SVIL: variants seen among roughly 807,000 people sequenced by gnomAD.
The protein encoded by SVIL is archvillin.
Under a neutral mutation model 240.4 loss-of-function variants are expected in SVIL, and 101 were observed. The ratio of observed to expected loss-of-function variants is 0.42; its 90% CI spans 0.36 to 0.50. The LOEUF (loss-of-function observed/expected upper bound fraction) is 0.50. Among genes scored for constraint, SVIL ranks in the 20% least tolerant of loss-of-function variants. The pLI, the probability that SVIL is intolerant of heterozygous loss-of-function variation, is 0.01. For synonymous variants in SVIL, 999 were observed against 1,100.0 expected (o/e 0.91, Z 1.82); for missense variants, 2,512 against 2,818.7 (o/e 0.89, Z 2.46).
chr10:29,653,077 G>A (rs1374946089), intron 3 of SVIL, among the ~76,000 whole-genome samples: 7 of 148,752 alleles, frequency 4.7e-5, no homozygotes, highest in African/African-American at 1.5e-4. Flanking sequence ...ACAATCCTCT[G>A]CTTTGGCCTC....
intron 29 of SVIL, among the ~76,000 whole-genome samples, chr10:29,476,906 G>A (rs1459077131): frequency 2.0e-5 from 3 of 151,888 alleles, no homozygotes; most frequent in African/African-American, 4.8e-5. Flanking sequence ...CCTGTTGCCC[G>A]GGCTGGAGTG....
intron 2 of SVIL, among the ~76,000 whole-genome samples, chr10:29,679,354 A>C (rs1960447623): frequency 6.6e-6 from 1 of 152,224 alleles, no homozygotes; most frequent in Non-Finnish European, 1.5e-5. Context: ...GAGAAGGTGC[A>C]GGTAATGAAG....
At chr10:29,536,534 A>G (rs1951752970) in intron 6 of SVIL, among the ~76,000 whole-genome samples, 2 of 152,236 alleles carry the variant, frequency 1.3e-5, no homozygotes, top group African/African-American at 4.8e-5. Flanking sequence ...CATGTGGCTC[A>G]CTACTAAAAT....
chr10:29,589,640 C>A (rs924120587), intron 1 of SVIL, among the ~76,000 whole-genome samples: 3 of 152,144 alleles, frequency 2.0e-5, no homozygotes, highest in East Asian at 1.9e-4. Flanking sequence ...GAAAAGAAAA[C>A]GAGGTGAGAC....
At chr10:29,516,800 T>C (rs781392697) in intron 16 of SVIL, among the ~76,000 whole-genome samples, 1 of 152,162 alleles carries the variant, frequency 6.6e-6, no homozygotes, top group Non-Finnish European at 1.5e-5. Context: ...TCCTCTTCCA[T>C]AGCCCACACT....
intron 1 of SVIL, among the ~76,000 whole-genome samples, chr10:29,589,395 C>A (rs1032354028): frequency 4.6e-5 from 7 of 152,318 alleles, no homozygotes; most frequent in Non-Finnish European, 8.8e-5. Context: ...CTCTGGGCCC[C>A]CTGTAAACCC....
intron 1 of SVIL, among the ~76,000 whole-genome samples, chr10:29,576,941 C>A (rs1256312799): frequency 6.6e-6 from 1 of 152,096 alleles, no homozygotes; most frequent in African/African-American, 2.4e-5. Context: ...AATGCAGTGG[C>A]GCGAGCTAGG....
In SVIL at chr10:29,465,730, C is replaced by G. The variant is rs138805266; in HGVS notation, c.5998G>C (p.Ala2000Pro). ...MLQDPGSFNF[A>P]PRLFILSSSS... ...CTGCTGAGGATGAACAGGCGGGGCGCGAAGTTAAAACTTCCAGGATCTTTG... is the reference window on the plus strand; with the variant it reads ...CTGCTGAGGATGAACAGGCGGGGCGGGAAGTTAAAACTTCCAGGATCTTTG... Residue 2000 changes from alanine to proline, a missense_variant, in exon 34 of 38, where the codon GCG becomes CCG. Coordinates refer to ENST00000355867, the MANE Select transcript of SVIL (RefSeq NM_021738.3). The G allele has an allele frequency of 7.4e-6, 12 of 1,612,236 alleles. No individual in the cohort carries two copies. In the African/African-American group the frequency reaches 1.6e-4, roughly 22 times the overall value.
Position 29,487,383 on chromosome 10 carries a change from A to T in SVIL, c.4349-84T>A. 3 of 1,447,466 alleles carry T rather than the reference A, an allele frequency of 2.1e-6. No individual in the cohort carries two copies. In the South Asian group the frequency reaches 3.9e-5, roughly 19 times the overall value. 89.7% of individuals were successfully genotyped at this position (1,447,466 alleles called of 1,614,324 possible). A position where few individuals can be genotyped will look rare whatever the true frequency, so the allele number is the denominator to read the frequency against. On this transcript the variant is annotated intron_variant, in intron 23 of 37. Transcript: ENST00000355867. ...CATATCGGAAGCATCCCTGCTGCGGACGCTTTCACTTCTAAAGAGTCTTGT... is the reference window on the plus strand; with the variant it reads ...CATATCGGAAGCATCCCTGCTGCGGTCGCTTTCACTTCTAAAGAGTCTTGT...
intron 3 of SVIL, among the ~76,000 whole-genome samples, chr10:29,649,387 A>G (rs894409085): frequency 6.6e-6 from 1 of 152,198 alleles, no homozygotes; most frequent in African/African-American, 2.4e-5. Flanking sequence ...TGCCTCTTTC[A>G]TATACAATAA....
At position 29,493,356 on chromosome 10, in the gene SVIL, C is replaced by T. The variant is rs1412618608; in HGVS notation, c.3877G>A (p.Gly1293Ser). The T allele has an allele frequency of 5.0e-6, 8 of 1,613,990 alleles. No individual in the cohort carries two copies. Among genetic ancestry groups the T allele is most frequent in the South Asian group, 3.3e-5 (3 of 91,080 alleles). ...TTCATCACCTCCTTCACAGATTTGC[C>T]GGTGACAGTGAGCACCGTTTCGTGC... ...GMHETVLTVT[G>S]KSVKEVMKPD... The change falls in exon 21 of 38, where the codon GGC (glycine) becomes AGC (serine). Residue 1293 changes from glycine to serine, a missense_variant. Gly to Ser is a moderately conservative substitution (Grantham distance 56). This residue lies in a region of SVIL where 272 missense variants were observed against 406.8 expected (regional missense o/e 0.67). Coordinates refer to ENST00000355867, the MANE Select transcript of SVIL (RefSeq NM_021738.3).
chr10:29,533,149 G>T lies in SVIL; in HGVS notation c.1218C>A (p.Ser406Arg), dbSNP rs1304854079. The change falls in exon 8 of 38, where the codon AGC (serine) becomes AGA (arginine). Residue 406 changes from serine (S) to arginine (R), a missense_variant. Ser to Arg is a moderately radical substitution (Grantham distance 110). Around this residue, in one of 3 missense-constraint regions of SVIL, gnomAD observed 1,443 missense variants for 1,486.6 expected, o/e 0.97. Coordinates refer to ENST00000355867, the MANE Select transcript of SVIL (RefSeq NM_021738.3). Reference sequence around the variant, plus strand: ...TTCCGTCACCTTCTAGAACCGTCAAGCTGGGAGGTTTGGGGACATTCTGGG... The same window carrying T: ...TTCCGTCACCTTCTAGAACCGTCAATCTGGGAGGTTTGGGGACATTCTGGG... ...SATQNVPKPP[S>R]LTVLEGDGRD... 2.3e-5 allele frequency: 37 copies of T among 1,614,048 alleles called. No individual in the cohort carries two copies. Among genetic ancestry groups the T allele is most frequent in the Non-Finnish European group, 3.0e-5 (35 of 1,180,044 alleles).
chr10:29,719,300 G>C (rs956785564), intron 1 of SVIL, among the ~76,000 whole-genome samples: 1 of 152,090 alleles, frequency 6.6e-6, no homozygotes, highest in Non-Finnish European at 1.5e-5. Context: ...TGGAACACTC[G>C]GTATAAACGG....
rs192396017 is a variant in SVIL at position 29,500,829 on chromosome 10, T to C, written c.3517-1566A>G. Reference sequence around the variant, plus strand: ...TCCCCGATGCCTTTCCTCCTCACTATGGCAAACCACTTCCCTTCACTGACC... The same window carrying C: ...TCCCCGATGCCTTTCCTCCTCACTACGGCAAACCACTTCCCTTCACTGACC... On this transcript the variant is annotated intron_variant, in intron 17 of 37. Coordinates refer to ENST00000355867, the MANE Select transcript of SVIL (RefSeq NM_021738.3). Among the ~76,000 whole-genome samples, 532 of 152,176 alleles carry C rather than the reference T, an allele frequency of 3.5e-3. 7 individuals are homozygous for C. The South Asian group carries it at 0.045, about 13-fold the overall frequency.
At chr10:29,546,422 T>C (rs577144039) in intron 6 of SVIL, among the ~76,000 whole-genome samples, 2 of 152,358 alleles carry the variant, frequency 1.3e-5, no homozygotes, top group South Asian at 4.1e-4. Context: ...TCTAACAGGA[T>C]TTCTGAGTTA....
intron 1 of SVIL, among the ~76,000 whole-genome samples, chr10:29,692,031 C>T (rs1357716477): frequency 6.6e-6 from 1 of 152,210 alleles, no homozygotes; most frequent in Non-Finnish European, 1.5e-5. Context: ...TGCCGCAGCT[C>T]ACTCAGCTAA....
intron 2 of SVIL, among the ~76,000 whole-genome samples, chr10:29,668,670 C>T (rs945194836): frequency 2.6e-5 from 4 of 152,142 alleles, no homozygotes; most frequent in African/African-American, 9.7e-5. Context: ...GACGGAGTTT[C>T]ACCATGTTGG....
chr10:29,661,384 G>C (rs187278843), intron 2 of SVIL, among the ~76,000 whole-genome samples: 1 of 152,278 alleles, frequency 6.6e-6, no homozygotes, highest in Admixed American at 6.5e-5. Flanking sequence ...TTAGGGACAG[G>C]TTGAAGTTCG....
intron 20 of SVIL, among the ~76,000 whole-genome samples, chr10:29,493,923 C>T (rs76159513): frequency 0.017 from 2,546 of 152,228 alleles, 52 homozygotes; most frequent in African/African-American, 0.051. Flanking sequence ...GCTTATAATC[C>T]CAGCACTTTG....
Sources: allele counts gnomAD v4.1 joint callset (sites outside exome capture counted in the v4.1 genomes callset), GRCh38; gene constraint gnomAD v4.1.1; regional missense constraint gnomAD v4.1.1; transcripts MANE v1.5; gene names NCBI Gene and HGNC (gene_info 2026-07-23, HGNC 2026-07-21).